SLC25A48: variants seen among roughly 807,000 people sequenced by gnomAD.
The protein encoded by SLC25A48 is CTC-321K16.1.
In SLC25A48, 29 loss-of-function variants were observed where a neutral mutation model predicts 32.2. The observed-to-expected ratio is 0.90, with a 90% CI of 0.67 to 1.23. The LOEUF (loss-of-function observed/expected upper bound fraction) is 1.23, where lower values mean the gene tolerates loss of function less well. Ranked by LOEUF, SLC25A48 falls within the 50% of genes most tolerant of loss-of-function variation. The probability of loss-of-function intolerance (pLI) is 0.00; values close to 1 mark genes in which losing one functional copy is unlikely to be tolerated. For synonymous variants in SLC25A48, 164 were observed against 172.3 expected (o/e 0.95, Z 0.38); for missense variants, 399 against 422.7 (o/e 0.94, Z 0.49).
At position 135,784,941 on chromosome 5, in the gene SLC25A48, T is replaced by C. The variant is rs182199005; in HGVS notation, c.-520-27582T>C. On this transcript the variant is annotated intron_variant, in intron 3 of 10. Transcript: ENST00000646290. The stretch of plus-strand genomic sequence containing the variant: ...ACACACCCCCATGTGACATTATTTC[T>C]AAAATCCAGGGGGAAAGAGGATATT... 4.1e-5 allele frequency among the ~76,000 whole-genome samples: 3 copies of C among 73,372 alleles called. 1 individual carries two copies. The East Asian group carries it at 8.5e-4, about 21-fold the overall frequency. 48.1% of individuals were successfully genotyped at this position (73,372 alleles called of 152,430 possible).
chr5:135,593,928 T>C (rs1751585388), intron 1 of SLC25A48, among the ~76,000 whole-genome samples: 1 of 152,218 alleles, frequency 6.6e-6, no homozygotes, highest in African/African-American at 2.4e-5. Flanking sequence ...CCAGCCCCCC[T>C]GGTCACTGGC....
intron 1 of SLC25A48, among the ~76,000 whole-genome samples, chr5:135,835,678 T>TAAAAAAAAAAAAA (rs35114794): frequency 5.7e-5 from 4 of 70,412 alleles, no homozygotes; most frequent in African/African-American, 2.3e-4. Context: ...TTGCTAATTG[T>TAAAAAAAAAAAAA]AAAAAAAAAA....
At chr5:135,638,700 A>G (rs1221528504) in intron 3 of SLC25A48, among the ~76,000 whole-genome samples, 2 of 152,236 alleles carry the variant, frequency 1.3e-5, no homozygotes, top group Non-Finnish European at 2.9e-5. Context: ...GGCTATTGAT[A>G]AGGTATCATG....
At chr5:135,839,961 T>C (rs949992718) in intron 1 of SLC25A48, among the ~76,000 whole-genome samples, 2 of 152,246 alleles carry the variant, frequency 1.3e-5, no homozygotes, top group Admixed American at 1.3e-4. Context: ...GGACTGTAAG[T>C]TGATTAAACT....
chr5:135,812,423 A>G (rs1337286619), intron 3 of SLC25A48: 2 of 152,192 alleles, frequency 1.3e-5, no homozygotes, highest in Admixed American at 6.5e-5. Context: ...TTTATAGACA[A>G]ACTGTAGACA....
intron 3 of SLC25A48, among the ~76,000 whole-genome samples, chr5:135,724,994 C>T (rs13158916): frequency 0.29 from 43,369 of 152,154 alleles, 6,354 homozygotes; most frequent in East Asian, 0.48. Flanking sequence ...CACAAGAGCT[C>T]CTGCCAAAGG....
At chr5:135,611,758 C>T (rs980517338) in intron 1 of SLC25A48, among the ~76,000 whole-genome samples, 1 of 152,026 alleles carries the variant, frequency 6.6e-6, no homozygotes, top group African/African-American at 2.4e-5. Context: ...TAACAACCAA[C>T]ATTGTAGAAA....
chr5:135,754,123 AGCACAGGGTGTAT>A (rs1272853559), intron 3 of SLC25A48, among the ~76,000 whole-genome samples: 42 of 151,870 alleles, frequency 2.8e-4, no homozygotes, highest in Non-Finnish European at 6.2e-4. Context: ...TATGCAGGAC[AGCACAGGGTGTAT>A]GCACAGGGTG....
At chr5:135,748,022 C>A (rs1231238127) in intron 3 of SLC25A48, among the ~76,000 whole-genome samples, 1 of 151,278 alleles carries the variant, frequency 6.6e-6, no homozygotes, top group African/African-American at 2.4e-5. Flanking sequence ...TCCAGACTGA[C>A]CTGCCCCCTG....
chr5:135,793,143 G>A (rs56117686), intron 3 of SLC25A48, among the ~76,000 whole-genome samples: 2,124 of 150,358 alleles, frequency 0.014, 24 homozygotes, highest in African/African-American at 0.034. Flanking sequence ...CTGGGATATC[G>A]CTCGTAATAT....
intron 3 of SLC25A48, among the ~76,000 whole-genome samples, chr5:135,646,109 T>A (rs1156271105): frequency 6.6e-6 from 1 of 152,200 alleles, no homozygotes; most frequent in Non-Finnish European, 1.5e-5. Context: ...GAATTTTCCC[T>A]TAGTAAGCTT....
In SLC25A48 at chr5:135,886,588, AATATATATATATAT is replaced by A. The variant is rs147005349; in HGVS notation, c.*8-1408_*8-1395del. ...AACACATTATGGTTCTATTTAACCA[AATATATATATATAT>A]ATATATATATATATATATATATATA... On this transcript the variant is annotated intron_variant, in intron 7 of 7. Coordinates refer to ENST00000681962, the MANE Select transcript of SLC25A48 (RefSeq NM_001349336.2). Among the ~76,000 whole-genome samples, 18 of 35,446 alleles carry A rather than the reference AATATATATATATAT, an allele frequency of 5.1e-4. 1 individual carries two copies. The highest frequency in any genetic ancestry group is 2.9e-3 in the East Asian group (2 of 694). 23.3% of individuals were successfully genotyped at this position (35,446 alleles called of 152,430 possible). A position where few individuals can be genotyped will look rare whatever the true frequency, so the allele number is the denominator to read the frequency against.
intron 4 of SLC25A48, among the ~76,000 whole-genome samples, chr5:135,861,218 A>G (rs1266034428): frequency 6.6e-6 from 1 of 152,222 alleles, no homozygotes; most frequent in Admixed American, 6.5e-5. Flanking sequence ...ATTATAATAG[A>G]AACACTAACC....
chr5:135,790,995 G>A lies in SLC25A48; in HGVS notation c.-520-21528G>A, dbSNP rs1028655377. The stretch of plus-strand genomic sequence containing the variant: ...CTTTGATATTATTTGTATAATTACG[G>A]GGGGGGTGTTACTTCTAATGTCACA... On this transcript the variant is annotated intron_variant, in intron 3 of 10. Transcript: ENST00000646290. 2.8e-3 allele frequency among the ~76,000 whole-genome samples: 66 copies of A among 23,330 alleles called. 1 individual carries two copies. The East Asian group carries it at 0.062, about 22-fold the overall frequency. 15.3% of individuals were successfully genotyped at this position (23,330 alleles called of 152,430 possible).
intron 3 of SLC25A48, chr5:135,649,246 G>A (rs1248903046): frequency 6.6e-6 from 1 of 152,094 alleles, no homozygotes; most frequent in Non-Finnish European, 1.5e-5. Flanking sequence ...ATTATTTTAG[G>A]GTGGAAAAGA....
chr5:135,587,159 C>A (rs1751387990), intron 1 of SLC25A48, among the ~76,000 whole-genome samples: 1 of 152,122 alleles, frequency 6.6e-6, no homozygotes, highest in Non-Finnish European at 1.5e-5. Flanking sequence ...GCCTCCCAAG[C>A]AGCTGGGACT....
Position 135,773,181 on chromosome 5 carries a change from G to T in SLC25A48, c.-520-39342G>T, listed in dbSNP as rs1291693891. 2.6e-5 allele frequency among the ~76,000 whole-genome samples: 4 copies of T among 151,488 alleles called. No individual in the cohort carries two copies. In the East Asian group the frequency reaches 7.8e-4, roughly 29 times the overall value. On this transcript the variant is annotated intron_variant, in intron 3 of 10. Coordinates refer to the SLC25A48 transcript ENST00000646290. ...AATATTACTCTGAATATCGCAGGGG[G>T]TATACACCCTCCCTGTGATATTGTT...
intron 3 of SLC25A48, among the ~76,000 whole-genome samples, chr5:135,724,856 A>G (rs1202211817): frequency 6.6e-6 from 1 of 152,238 alleles, no homozygotes; most frequent in Non-Finnish European, 1.5e-5. Flanking sequence ...CAGAAACTGG[A>G]AAGAAGGCAG....
chr5:135,709,840 CT>C (rs934812236), intron 3 of SLC25A48, among the ~76,000 whole-genome samples: 4 of 152,108 alleles, frequency 2.6e-5, no homozygotes, highest in Admixed American at 2.6e-4. Context: ...ATGTTGACTG[CT>C]TTATTACTAT....
Sources: gnomAD v4.1 joint callset for allele counts (sites outside exome capture counted in the v4.1 genomes callset) on GRCh38, gnomAD v4.1.1 for gene constraint, MANE v1.5 for transcripts, NCBI Gene and HGNC (gene_info 2026-07-23, HGNC 2026-07-21) for gene names.